Variants in TACR3 observed in about 807,000 individuals in gnomAD.
The protein encoded by TACR3 is tachykinin receptor 3.
In TACR3, 34 loss-of-function variants were observed where a neutral mutation model predicts 35.0. That is an observed-to-expected ratio of 0.97 (90% CI 0.74 to 1.30). The LOEUF is 1.30. Ranked by LOEUF, TACR3 falls within the 50% of genes most tolerant of loss-of-function variation. The pLI, the probability that TACR3 is intolerant of heterozygous loss-of-function variation, is 0.00. For missense variants in TACR3, 558 were observed against 591.7 expected (o/e 0.94, Z 0.59); for synonymous variants, 233 against 221.1 (o/e 1.05, Z -0.48).
At chr4:103,680,548 C>CAT (rs376263612) in intron 1 of TACR3, among the ~76,000 whole-genome samples, 16 of 148,796 alleles carry the variant, frequency 1.1e-4, no homozygotes, top group East Asian at 5.9e-4. Flanking sequence ...TATATATACA[C>CAT]ATATATATAT....
intron 1 of TACR3, among the ~76,000 whole-genome samples, chr4:103,713,077 A>G (rs1409533559): frequency 2.0e-5 from 3 of 152,118 alleles, no homozygotes; most frequent in East Asian, 1.9e-4. Flanking sequence ...CGATTCCTCA[A>G]GGATCTATAA....
chr4:103,633,133 C>T (rs1341546072), intron 3 of TACR3, among the ~76,000 whole-genome samples: 1 of 151,992 alleles, frequency 6.6e-6, no homozygotes, highest in Non-Finnish European at 1.5e-5. Flanking sequence ...GATTCCTCTG[C>T]TTTCTGGACA....
At chr4:103,682,835 G>GA (rs745964768) in intron 1 of TACR3, among the ~76,000 whole-genome samples, 1 of 152,130 alleles carries the variant, frequency 6.6e-6, no homozygotes, top group Non-Finnish European at 1.5e-5. Flanking sequence ...AAGGTTATGG[G>GA]AGATTGTTGT....
intron 1 of TACR3, among the ~76,000 whole-genome samples, chr4:103,671,080 G>A (rs575186473): frequency 2.0e-5 from 3 of 151,834 alleles, no homozygotes; most frequent in Admixed American, 2.0e-4. Context: ...TCTATTTTTT[G>A]TCTTTCATTC....
intron 1 of TACR3, among the ~76,000 whole-genome samples, chr4:103,667,938 C>T (rs1231858014): frequency 6.6e-6 from 1 of 152,098 alleles, no homozygotes; most frequent in Non-Finnish European, 1.5e-5. Flanking sequence ...AAGTGATCCT[C>T]CCACCTCAGT....
chr4:103,685,607 A>G (rs1722210190), intron 1 of TACR3, among the ~76,000 whole-genome samples: 2 of 152,168 alleles, frequency 1.3e-5, no homozygotes, highest in East Asian at 3.9e-4. Flanking sequence ...CAAATCACAT[A>G]CCTGACAAAG....
chr4:103,655,932 AGAGTAATT>A (rs987646680), intron 3 of TACR3, among the ~76,000 whole-genome samples: 1 of 152,106 alleles, frequency 6.6e-6, no homozygotes, highest in Non-Finnish European at 1.5e-5. Context: ...CAATTTCAGC[AGAGTAATT>A]AAGAATACTT....
chr4:103,626,324 G>T (rs560779439), intron 3 of TACR3, among the ~76,000 whole-genome samples: 10 of 152,170 alleles, frequency 6.6e-5, no homozygotes, highest in Middle Eastern at 6.3e-3. Context: ...ATCAGAGAGA[G>T]CCTGGTCATA....
intron 3 of TACR3, among the ~76,000 whole-genome samples, chr4:103,618,090 A>G (rs900138557): frequency 3.3e-5 from 5 of 152,210 alleles, no homozygotes; most frequent in African/African-American, 4.8e-5. Flanking sequence ...ATCAGAAAAA[A>G]TAATTCTATT....
intron 3 of TACR3, among the ~76,000 whole-genome samples, chr4:103,622,008 G>A (rs1222130494): frequency 6.6e-6 from 1 of 152,170 alleles, no homozygotes. Context: ...GTGGTTGTTA[G>A]AAGAAGAAAA....
chr4:103,716,105 G>A (rs1723083948), intron 1 of TACR3, among the ~76,000 whole-genome samples: 1 of 152,068 alleles, frequency 6.6e-6, no homozygotes, highest in African/African-American at 2.4e-5. Flanking sequence ...TCTTGGAAAA[G>A]CTTATCATCT....
At chr4:103,711,335 A>G (rs1290377575) in intron 1 of TACR3, among the ~76,000 whole-genome samples, 3 of 152,226 alleles carry the variant, frequency 2.0e-5, no homozygotes. Context: ...AGGCTGGTTC[A>G]ACATACGCAA....
At chr4:103,607,128 A>G in intron 3 of TACR3, among the ~76,000 whole-genome samples, 1 of 152,196 alleles carries the variant, frequency 6.6e-6, no homozygotes, top group Admixed American at 6.6e-5. Flanking sequence ...AGCCAAGGAC[A>G]AAAACCACAT....
At chr4:103,672,164 C>T (rs1726072295) in intron 1 of TACR3, among the ~76,000 whole-genome samples, 1 of 152,106 alleles carries the variant, frequency 6.6e-6, no homozygotes, top group Admixed American at 6.6e-5. Context: ...GCTCCACATT[C>T]TTGTTCTTTT....
At chr4:103,636,978 G>C (rs372955249) in intron 3 of TACR3, among the ~76,000 whole-genome samples, 7 of 152,090 alleles carry the variant, frequency 4.6e-5, no homozygotes, top group Non-Finnish European at 1.0e-4. Context: ...TCCAGGACCA[G>C]ATGGATTCAC....
intron 3 of TACR3, among the ~76,000 whole-genome samples, chr4:103,613,381 T>G (rs138449947): frequency 9.1e-4 from 139 of 152,230 alleles, no homozygotes; most frequent in African/African-American, 3.3e-3. Flanking sequence ...TAGGGAAAAC[T>G]GCCATCTTGC....
chr4:103,674,424 G>A (rs1726123049), intron 1 of TACR3, among the ~76,000 whole-genome samples: 1 of 152,056 alleles, frequency 6.6e-6, no homozygotes, highest in Non-Finnish European at 1.5e-5. Flanking sequence ...ATAGATGGAA[G>A]TAGGCTCCCT....
At chr4:103,611,019 A>G (rs1329574221) in intron 3 of TACR3, among the ~76,000 whole-genome samples, 2 of 151,834 alleles carry the variant, frequency 1.3e-5, no homozygotes, top group Admixed American at 6.6e-5. Context: ...TGCTTTCACT[A>G]TTTTTGTTTT....
At chr4:103,711,229 T>C (rs948514388) in intron 1 of TACR3, among the ~76,000 whole-genome samples, 18 of 152,168 alleles carry the variant, frequency 1.2e-4, no homozygotes, top group African/African-American at 3.6e-4. Flanking sequence ...TGAACATTGA[T>C]GCAAAAATCC....
Sources: allele counts gnomAD v4.1 joint callset (sites outside exome capture counted in the v4.1 genomes callset), GRCh38; gene constraint gnomAD v4.1.1; transcripts MANE v1.5; gene names NCBI Gene and HGNC (gene_info 2026-07-23, HGNC 2026-07-21).